Variants in PTPRN2 observed in about 807,000 individuals in gnomAD.
PTPRN2 encodes protein tyrosine phosphatase receptor type N2.
Under a neutral mutation model 118.8 loss-of-function variants are expected in PTPRN2, and 74 were observed. The ratio of observed to expected loss-of-function variants is 0.62; its 90% CI spans 0.52 to 0.76. PTPRN2 has a LOEUF of 0.76. PTPRN2 is among the 30% of genes least tolerant of loss of function. The probability of loss-of-function intolerance (pLI) is 0.00; values close to 1 mark genes in which losing one functional copy is unlikely to be tolerated. For missense variants in PTPRN2, 1,481 were observed against 1,394.4 expected (o/e 1.06, Z -0.99); for synonymous variants, 641 against 608.0 (o/e 1.05, Z -0.80).
rs1309885823 is a variant in PTPRN2, at chr7:158,053,863, CGCAGAGACCCCAGAGAT to C, written c.1723+27418_1723+27434del. 5.7e-3 allele frequency among the ~76,000 whole-genome samples: 597 copies of C among 105,086 alleles called. 6 individuals carry two copies. The highest frequency in any genetic ancestry group is 0.027 in the Admixed American group (261 of 9,824). 68.9% of individuals were successfully genotyped at this position (105,086 alleles called of 152,430 possible). ...CCCAGAGACGCAGAGACTCCAGAGA[CGCAGAGACCCCAGAGAT>C]GCAGAGACCCCAGAGATGCAGAGAC... On this transcript the variant is annotated intron_variant, in intron 11 of 22. Transcript: ENST00000389418.
intron 3 of PTPRN2, among the ~76,000 whole-genome samples, chr7:158,310,623 G>A (rs969603662): frequency 6.6e-6 from 1 of 152,236 alleles, no homozygotes; most frequent in Non-Finnish European, 1.5e-5. Flanking sequence ...CCATTGCCCT[G>A]CGCAGCCTGA....
In PTPRN2 at chr7:158,565,983, T is replaced by A. The variant is rs1827644288; in HGVS notation, c.112+21575A>T. 6.6e-6 allele frequency among the ~76,000 whole-genome samples: 1 copy of A among 152,192 alleles called. No individual in the cohort carries two copies. The highest frequency in any genetic ancestry group is 2.1e-4 in the South Asian group (1 of 4,832). ...AGCCATTTCTCTCCCTTTAAAAATCTCTCCCTGAGATTATGGATAATTTTG... is the reference window on the plus strand; with the variant it reads ...AGCCATTTCTCTCCCTTTAAAAATCACTCCCTGAGATTATGGATAATTTTG... On this transcript the variant is annotated intron_variant, in intron 1 of 22. Coordinates refer to ENST00000389418, the MANE Select transcript of PTPRN2 (RefSeq NM_002847.5). The surrounding 1 kb of genome is among the most constrained non-coding windows in gnomAD (Gnocchi z 4.6).
chr7:157,839,859 C>CTGTGTGA (rs1165010002), intron 12 of PTPRN2, among the ~76,000 whole-genome samples: 1 of 149,182 alleles, frequency 6.7e-6, no homozygotes, highest in African/African-American at 2.5e-5. Flanking sequence ...CTGTGTGTGA[C>CTGTGTGA]TGTGTGACCG....
intron 12 of PTPRN2, among the ~76,000 whole-genome samples, chr7:157,775,318 T>C (rs1312829729): frequency 6.6e-6 from 1 of 152,184 alleles, no homozygotes; most frequent in Non-Finnish European, 1.5e-5. Context: ...CCCAAATTCA[T>C]GAGCCGCAGT....
At chr7:157,740,445 G>A (rs976840341) in intron 12 of PTPRN2, 2 of 142,618 alleles carry the variant, frequency 1.4e-5, no homozygotes, top group Non-Finnish European at 2.9e-5. Flanking sequence ...GGCAGGGGGA[G>A]CCTCACCAGC....
intron 2 of PTPRN2, among the ~76,000 whole-genome samples, chr7:158,483,841 T>A (rs1266782715): frequency 6.6e-6 from 1 of 152,196 alleles, no homozygotes. Context: ...CTCAGCCTTT[T>A]AAAGTATAGG....
intron 17 of PTPRN2, among the ~76,000 whole-genome samples, chr7:157,580,766 CAGCACCTGCACACCCG>C (rs1800323893): frequency 8.6e-6 from 1 of 116,306 alleles, no homozygotes; most frequent in Non-Finnish European, 1.8e-5. Flanking sequence ...CTGCACACCC[CAGCACCTGCACACCCG>C]AGCCCCTGCA....
At chr7:157,673,835 C>G (rs1043158706) in intron 13 of PTPRN2, among the ~76,000 whole-genome samples, 1 of 152,166 alleles carries the variant, frequency 6.6e-6, no homozygotes, top group African/African-American at 2.4e-5. Flanking sequence ...CACCCGGCAC[C>G]CAGGGCTCCC....
At chr7:158,136,063 G>A (rs375491299) in intron 8 of PTPRN2, among the ~76,000 whole-genome samples, 25 of 152,338 alleles carry the variant, frequency 1.6e-4, no homozygotes, top group East Asian at 1.2e-3. Flanking sequence ...GACTGCCTCC[G>A]GAGCAGCAGT....
At chr7:158,076,812 C>T (rs887160772) in intron 11 of PTPRN2, among the ~76,000 whole-genome samples, 10 of 152,328 alleles carry the variant, frequency 6.6e-5, no homozygotes, top group African/African-American at 1.9e-4. Context: ...TAAGAACTCC[C>T]GTCTGAACAG....
rs77816399 is a variant in PTPRN2 at position 157,545,536 on chromosome 7, C to T, written c.2976+3410G>A. ...ACACAGTGTGTGTGGCTGAGTGTGC[C>T]GCCTCTCTGGCGGCTCGTGTGGTGT... On this transcript the variant is annotated intron_variant, in intron 22 of 22. Coordinates refer to ENST00000389418, the MANE Select transcript of PTPRN2 (RefSeq NM_002847.5). Among the ~76,000 whole-genome samples the T allele has an allele frequency of 3.7e-3, 568 of 152,118 alleles. 4 individuals are homozygous for T. Among genetic ancestry groups the T allele is most frequent in the African/African-American group, 0.013 (540 of 41,442 alleles).
Position 158,133,859 on chromosome 7 carries a change from C to T in PTPRN2, c.1374G>A (p.Gly458=), listed in dbSNP as rs767381363. 1.2e-6 allele frequency: 2 copies of T among 1,613,888 alleles called. No homozygotes were observed. Among genetic ancestry groups the T allele is most frequent in the Non-Finnish European group, 8.5e-7 (1 of 1,180,026 alleles). Residue 458 remains glycine (G), a synonymous_variant, in exon 9 of 23, where the codon GGG becomes GGA. Transcript: ENST00000389418. ...CCCCGGGCTCCGAATGCGGCTGCTG[C>T]CCCAGCAGATCTTTGGAATACGTCT... is the stretch of plus-strand genomic sequence containing the variant. ...KSQTYSKDLL[G]QQPHSEPGAA...
rs561154836 is a variant in PTPRN2, at chr7:158,563,124, G to A, written c.112+24434C>T. 6.6e-6 allele frequency among the ~76,000 whole-genome samples: 1 copy of A among 152,154 alleles called. No homozygotes were observed. The highest frequency in any genetic ancestry group is 1.5e-5 in the Non-Finnish European group (1 of 68,044). ...CCTTGCACGGACAAAGAAGGTATCT[G>A]CTGGTGCAGTGCCACCGAAGAAGAG... On this transcript the variant is annotated intron_variant, in intron 1 of 22. Transcript: ENST00000389418. This position sits in a 1 kb window ranked among gnomAD's most constrained non-coding sequence, Gnocchi z 5.1.
At chr7:158,355,129 A>G (rs1414249341) in intron 2 of PTPRN2, among the ~76,000 whole-genome samples, 1 of 152,214 alleles carries the variant, frequency 6.6e-6, no homozygotes, top group Non-Finnish European at 1.5e-5. Flanking sequence ...AAAAGCTGAG[A>G]GAATTCATCA....
chr7:158,384,060 G>A (rs1046756335), intron 2 of PTPRN2, among the ~76,000 whole-genome samples: 1 of 152,240 alleles, frequency 6.6e-6, no homozygotes, highest in Non-Finnish European at 1.5e-5. Flanking sequence ...AGCATCCCGC[G>A]CATCCTCTGT....
intron 2 of PTPRN2, among the ~76,000 whole-genome samples, chr7:158,330,907 C>T (rs1334779121): frequency 1.3e-4 from 9 of 68,074 alleles, no homozygotes; most frequent in African/African-American, 2.8e-4. Context: ...TAAGAGCTGA[C>T]ACCTGCAGAC....
chr7:157,696,813 ATCT>A (rs1797807379), intron 12 of PTPRN2, among the ~76,000 whole-genome samples: 1 of 107,836 alleles, frequency 9.3e-6, no homozygotes, highest in Admixed American at 1.0e-4. Flanking sequence ...AGCCCTCACC[ATCT>A]ACACATGCAT....
At chr7:157,656,838 C>T (rs998528662) in intron 13 of PTPRN2, among the ~76,000 whole-genome samples, 1 of 119,130 alleles carries the variant, frequency 8.4e-6, no homozygotes, top group Non-Finnish European at 1.9e-5. Context: ...CATATACACA[C>T]ACACACCACA....
intron 14 of PTPRN2, among the ~76,000 whole-genome samples, chr7:157,643,844 G>C (rs902865369): frequency 2.6e-5 from 4 of 152,246 alleles, no homozygotes; most frequent in Non-Finnish European, 5.9e-5. Flanking sequence ...TCACCAACTC[G>C]TGCAGCAGAT....
Sources: allele counts gnomAD v4.1 joint callset (sites outside exome capture counted in the v4.1 genomes callset), GRCh38; gene constraint gnomAD v4.1.1; non-coding constraint Gnocchi (gnomAD v3.1); transcripts MANE v1.5; gene names NCBI Gene and HGNC (gene_info 2026-07-23, HGNC 2026-07-21).